The following ACOX3 variants were observed in gnomAD, a reference collection of about 807,000 sequenced individuals.
The protein encoded by ACOX3 is peroxisomal acyl-coenzyme A oxidase 3.
ACOX3 carries 73 observed loss-of-function variants against 81.5 expected under a neutral mutation model. The observed-to-expected ratio is 0.90, with a 90% confidence interval of 0.74 to 1.09. The LOEUF is 1.09. Ranked by LOEUF, ACOX3 falls within the 50% of genes least tolerant of loss-of-function variation. The pLI is 0.00. For synonymous variants in ACOX3, 387 were observed against 375.1 expected, an observed-to-expected ratio of 1.03 and a Z score of -0.37; for missense variants, 947 against 928.0, an observed-to-expected ratio of 1.02 and a Z score of -0.27.
intron 7 of ACOX3, among the ~76,000 whole-genome samples, chr4:8,401,393 A>T (rs756100506): frequency 6.6e-6 from 1 of 152,152 alleles, no homozygotes; most frequent in Non-Finnish European, 1.5e-5. Flanking sequence ...CTCTTCCTTG[A>T]GTCCTGCTCA....
rs929283063 is a variant in ACOX3, at chr4:8,370,530, AG to A, written c.1983+377del. ...GGGATTCCAGGACAGGGATGGGGGA[AG>A]AGGCCTGCAGGGCCAGGAGCATGGT... On this transcript the variant is annotated intron_variant, in intron 17 of 17. Transcript: ENST00000356406. This position sits in a 1 kb window ranked among gnomAD's most constrained non-coding sequence, Gnocchi z 6.3. Among the ~76,000 whole-genome samples, 28 of 126,226 alleles carry A rather than the reference AG, an allele frequency of 2.2e-4. No individual in the cohort carries two copies. The highest frequency in any genetic ancestry group is 1.0e-3 in the African/African-American group (26 of 25,700). 82.8% of individuals were successfully genotyped at this position (126,226 alleles called of 152,430 possible).
At chr4:8,435,495 C>CA (rs1392748216) in intron 1 of ACOX3, among the ~76,000 whole-genome samples, 2 of 142,064 alleles carry the variant, frequency 1.4e-5, no homozygotes, top group Non-Finnish European at 1.5e-5. Context: ...GACTCCGTCT[C>CA]AAAAAAAAGA....
chr4:8,409,207 A>C (rs1721402581), intron 6 of ACOX3, among the ~76,000 whole-genome samples: 5 of 152,272 alleles, frequency 3.3e-5, no homozygotes. Flanking sequence ...ACTTCATCGA[A>C]ATTGAAAAAC....
At chr4:8,428,046 T>C (rs145459648) in intron 1 of ACOX3, among the ~76,000 whole-genome samples, 1 of 152,338 alleles carries the variant, frequency 6.6e-6, no homozygotes, top group African/African-American at 2.4e-5. Flanking sequence ...GGCTTCAAGA[T>C]CACTATTCTG....
chr4:8,423,919 C>T lies in ACOX3; in HGVS notation c.-14-7384G>A, dbSNP rs897539396. 1.6e-4 allele frequency among the ~76,000 whole-genome samples: 24 copies of T among 152,328 alleles called. No homozygotes were observed. The highest frequency in any genetic ancestry group is 4.8e-4 in the African/African-American group (20 of 41,590). The stretch of plus-strand genomic sequence containing the variant: ...CTCATACTTGGGCACTCTTGTCCTT[C>T]GGTATGCGGATGATTTACTTTTAGC... On this transcript the variant is annotated intron_variant, in intron 1 of 17. Coordinates refer to ENST00000356406, the MANE Select transcript of ACOX3 (RefSeq NM_003501.3). The surrounding 1 kb of genome is among the most constrained non-coding windows in gnomAD (Gnocchi z 4.2).
At chr4:8,388,920 A>G (rs1288522074) in intron 13 of ACOX3, among the ~76,000 whole-genome samples, 2 of 152,128 alleles carry the variant, frequency 1.3e-5, no homozygotes, top group Non-Finnish European at 2.9e-5. Flanking sequence ...ATGGGAGGGA[A>G]AGGCAAGAGG....
chr4:8,415,312 A>T (rs991070158), intron 3 of ACOX3, among the ~76,000 whole-genome samples: 14 of 152,256 alleles, frequency 9.2e-5, no homozygotes, highest in African/African-American at 3.1e-4. Context: ...CAATGCAGGC[A>T]AGGCTAAGGG....
intron 15 of ACOX3, chr4:8,374,717 G>A (rs1716697918): frequency 2.7e-6 from 1 of 376,448 alleles, no homozygotes; most frequent in Non-Finnish European, 4.8e-6. Context: ...AGGCTGCCTG[G>A]CATGAGGGGG....
Position 8,384,550 on chromosome 4 carries a change from T to C in ACOX3, c.1538-2943A>G, listed in dbSNP as rs1000027635. Among the ~76,000 whole-genome samples the C allele has an allele frequency of 1.3e-5, 2 of 152,176 alleles. No individual in the cohort carries two copies. The highest frequency in any genetic ancestry group is 4.8e-5 in the African/African-American group (2 of 41,446). On this transcript the variant is annotated intron_variant, in intron 13 of 17. Transcript: ENST00000356406. This position sits in a 1 kb window ranked among gnomAD's most constrained non-coding sequence, Gnocchi z 5.3. ...ATCCTGGGTCACCACGGCCTTTCCA[T>C]GTGCCTCACACCAGAAGGACTCTCG...
At chr4:8,408,915 T>C (rs10029022) in intron 6 of ACOX3, among the ~76,000 whole-genome samples, 2,515 of 31,742 alleles carry the variant, frequency 0.079, 161 homozygotes, top group African/African-American at 0.26. Context: ...GGGGGGGGGG[T>C]GGGGGCGGTC....
At chr4:8,377,203 C>A (rs1259987881) in intron 14 of ACOX3, among the ~76,000 whole-genome samples, 4 of 152,200 alleles carry the variant, frequency 2.6e-5, no homozygotes, top group Non-Finnish European at 4.4e-5. Context: ...CCCAGCAGGG[C>A]CCAGGCACAG....
chr4:8,376,122 G>A (rs574568624), intron 14 of ACOX3, among the ~76,000 whole-genome samples: 8 of 152,222 alleles, frequency 5.3e-5, no homozygotes, highest in South Asian at 2.1e-4. Context: ...ACGAATCTGC[G>A]TTCCCACCAA....
At position 8,405,834 on chromosome 4, in the gene ACOX3, G is replaced by T. The variant is rs541445478; in HGVS notation, c.776+121C>A. 4.0e-6 allele frequency: 4 copies of T among 1,012,514 alleles called. No homozygotes were observed. The highest frequency in any genetic ancestry group is 3.5e-5 in the Admixed American group (2 of 56,788). 62.7% of individuals were successfully genotyped at this position (1,012,514 alleles called of 1,614,324 possible). Reference sequence around the variant, plus strand: ...CGGGGGCTAGGCGTAGGTCCCCACCGCATTTGAGTCTAAGAGGGCAGGGCA... The same window carrying T: ...CGGGGGCTAGGCGTAGGTCCCCACCTCATTTGAGTCTAAGAGGGCAGGGCA... On this transcript the variant is annotated intron_variant, in intron 7 of 17. Coordinates refer to ENST00000356406, the MANE Select transcript of ACOX3 (RefSeq NM_003501.3). This position sits in a 1 kb window ranked among gnomAD's most constrained non-coding sequence, Gnocchi z 7.1.
At chr4:8,359,761 C>G in the ACOX3 span, among the ~76,000 whole-genome samples, 2 of 152,180 alleles carry the variant, frequency 1.3e-5, no homozygotes, top group African/African-American at 4.8e-5. The surrounding 1 kb of genome is among the most constrained non-coding windows in gnomAD (Gnocchi z 6.0). Context: ...CTGAGCGCCT[C>G]GCCTTCCCCA....
rs915463850 is a variant in ACOX3, at chr4:8,375,258, G to A, written c.1654-106C>T. 6.2e-6 allele frequency: 7 copies of A among 1,124,622 alleles called. No homozygotes were observed. In the Admixed American group the frequency reaches 1.6e-4, roughly 25 times the overall value. 69.7% of individuals were successfully genotyped at this position (1,124,622 alleles called of 1,614,324 possible). On this transcript the variant is annotated intron_variant, in intron 14 of 17. Transcript: ENST00000356406. ...CACGAACGCGGGTCTGCGTTCCCGT[G>A]CATGTCCTAGGACAGTAACATAAGG...
At chr4:8,412,550 G>A (rs1334925534) in intron 5 of ACOX3, among the ~76,000 whole-genome samples, 1 of 152,212 alleles carries the variant, frequency 6.6e-6, no homozygotes, top group African/African-American at 2.4e-5. Context: ...ATGGACAGAT[G>A]GAAGAATGAA....
chr4:8,415,702 G>A, intron 3 of ACOX3, 64 bp downstream of exon 3: 2 of 1,451,100 alleles, frequency 1.4e-6, no homozygotes, highest in Non-Finnish European at 9.6e-7. Context: ...CCCTGGGACA[G>A]GCATCCCTCA....
rs1033294055 is a variant in ACOX3 at position 8,382,851 on chromosome 4, G to C, written c.1538-1244C>G. 8.5e-5 allele frequency among the ~76,000 whole-genome samples: 13 copies of C among 152,232 alleles called. No individual in the cohort carries two copies. The highest frequency in any genetic ancestry group is 2.9e-4 in the African/African-American group (12 of 41,554). On this transcript the variant is annotated intron_variant, in intron 13 of 17. Transcript: ENST00000356406. The surrounding 1 kb of genome is among the most constrained non-coding windows in gnomAD (Gnocchi z 4.1). The stretch of plus-strand genomic sequence containing the variant: ...ACTAAAAATACAAAAAATTAGCCGG[G>C]CGCAGTGGCAGGCGCCTGTAGTCCC...
At chr4:8,427,650 A>AT (rs1392665055) in intron 1 of ACOX3, among the ~76,000 whole-genome samples, 2 of 152,178 alleles carry the variant, frequency 1.3e-5, no homozygotes, top group Non-Finnish European at 2.9e-5. Context: ...CACTCACCGC[A>AT]TGGCCCAAGG....
Sources: allele counts gnomAD v4.1 joint callset (sites outside exome capture counted in the v4.1 genomes callset), GRCh38; gene constraint gnomAD v4.1.1; non-coding constraint Gnocchi (gnomAD v3.1); transcripts MANE v1.5; gene names NCBI Gene and HGNC (gene_info 2026-07-23, HGNC 2026-07-21).